The following SKP1 variants were observed in gnomAD, a reference collection of about 807,000 sequenced individuals.
SKP1 encodes S-phase kinase associated protein 1.
Under a neutral mutation model 21.5 loss-of-function variants are expected in SKP1, and 1 was observed. That is an observed-to-expected ratio of 0.05 (90% CI 0.02 to 0.22). The LOEUF is 0.22. SKP1 is among the 10% of genes least tolerant of loss of function. The pLI is 1.00. For missense variants in SKP1, 70 were observed against 192.0 expected (o/e 0.36, Z 3.76); for synonymous variants, 59 against 59.3 (o/e 0.99, Z 0.03).
chr5:134,158,069 A>G, intron 5 of SKP1: 1 of 1,440,404 alleles, frequency 6.9e-7, no homozygotes, highest in East Asian at 3.0e-5. Context: ...CAACAAAATC[A>G]TTCTGATCTA....
rs1761161240 is a variant in SKP1 at position 134,158,557 on chromosome 5, A to G, written c.354T>C (p.Val118=). Residue 118 remains valine, a synonymous_variant, in exon 5 of 6, where the codon GTT becomes GTC. Coordinates refer to ENST00000353411, the MANE Select transcript of SKP1 (RefSeq NM_170679.3). Reference sequence around the variant, plus strand: ...TCATATTGGCAACAGTCTTGCATGTAACATCAAGCAAACCTTTGATGTCTA... The same window carrying G: ...TCATATTGGCAACAGTCTTGCATGTGACATCAAGCAAACCTTTGATGTCTA... ...NYLDIKGLLD[V]TCKTVANMIK... The G allele has an allele frequency of 6.2e-7, 1 of 1,613,418 alleles. No homozygotes were observed. Among genetic ancestry groups the G allele is most frequent in the African/African-American group, 1.3e-5 (1 of 75,048 alleles).
intron 3 of SKP1, 83 bp from the exon 4 acceptor site, chr5:134,161,213 G>A: frequency 1.6e-6 from 2 of 1,229,862 alleles, no homozygotes; most frequent in South Asian, 1.7e-5. Flanking sequence ...TCCCTATATT[G>A]GAATAATAAC....
intron 2 of SKP1, among the ~76,000 whole-genome samples, chr5:134,168,894 G>A (rs1761385905): frequency 6.6e-6 from 1 of 152,062 alleles, no homozygotes; most frequent in South Asian, 2.1e-4. Flanking sequence ...GCAGTTGTAT[G>A]TTCAAGTCCA....
At chr5:134,168,652 G>A (rs145573111) in intron 2 of SKP1, among the ~76,000 whole-genome samples, 3 of 152,238 alleles carry the variant, frequency 2.0e-5, no homozygotes, top group African/African-American at 7.2e-5. Flanking sequence ...TGTAGCTAAG[G>A]AGGTGGTAAG....
chr5:134,165,070 A>AG (rs1761301915), intron 3 of SKP1, among the ~76,000 whole-genome samples: 1 of 111,030 alleles, frequency 9.0e-6, no homozygotes, highest in African/African-American at 3.2e-5. Flanking sequence ...TTTTTTTTTG[A>AG]GGGGGGAGGG....
intron 4 of SKP1, 103 bp downstream of exon 4, chr5:134,160,884 T>G: frequency 1.4e-6 from 1 of 731,726 alleles, no homozygotes; most frequent in Non-Finnish European, 2.2e-6. Flanking sequence ...CATTTGAATT[T>G]AGAGAGTATT....
At position 134,149,106 on chromosome 5, in the gene SKP1, T is replaced by G. The variant is rs1760994749; in HGVS notation, c.*8627A>C. 6.6e-6 allele frequency: 1 copy of G among 152,248 alleles called. No individual in the cohort carries two copies. The highest frequency in any genetic ancestry group is 2.1e-4 in the South Asian group (1 of 4,824). 9.4% of individuals were successfully genotyped at this position (152,248 alleles called of 1,614,324 possible). On this transcript the variant is annotated 3_prime_UTR_variant, in exon 6 of 6. Coordinates refer to ENST00000353411, the MANE Select transcript of SKP1 (RefSeq NM_170679.3). ...TTAGGGGGTACAAGTGCAGCTGTGT[T>G]ACATGAACATACTGGGTAGCGGTGA... is the stretch of plus-strand genomic sequence containing the variant.
chr5:134,149,027 G>T lies in SKP1; in HGVS notation c.*8706C>A, dbSNP rs2149370724. 1 of 152,230 alleles carries T rather than the reference G, an allele frequency of 6.6e-6. No homozygotes were observed. The highest frequency in any genetic ancestry group is 2.1e-4 in the South Asian group (1 of 4,814). 9.4% of individuals were successfully genotyped at this position (152,230 alleles called of 1,614,324 possible). The stretch of plus-strand genomic sequence containing the variant: ...GGGTACAAATGCAGCTGTGTTACAT[G>T]AATATATTGTGTAGCGGTGAGGTCC... On this transcript the variant is annotated 3_prime_UTR_variant, in exon 6 of 6. Coordinates refer to ENST00000353411, the MANE Select transcript of SKP1 (RefSeq NM_170679.3).
At position 134,151,913 on chromosome 5, in the gene SKP1, T is replaced by TGA; in HGVS notation, c.*5818_*5819dup. ...GACAACACTTTTCGGCCACCACTAA[T>TGA]GATCATCTCCACTGATGCCTCAGCA... is the stretch of plus-strand genomic sequence containing the variant. On this transcript the variant is annotated 3_prime_UTR_variant, in exon 6 of 6. Transcript: ENST00000353411. 1 of 315,626 alleles carries TGA rather than the reference T, an allele frequency of 3.2e-6. No individual in the cohort carries two copies. Among genetic ancestry groups the TGA allele is most frequent in the Non-Finnish European group, 6.5e-6 (1 of 154,502 alleles). The allele number at this position is 315,626 out of a possible 1,614,324, so 19.6% of individuals were successfully genotyped here.
At position 134,149,541 on chromosome 5, in the gene SKP1, A is replaced by G. The variant is rs958260217; in HGVS notation, c.*8192T>C. Reference sequence around the variant, plus strand: ...TTTGGATTTTGTGTTTAAAGTATAAAGTCATTTTCCAGAACAGCGTCTATT... The same window carrying G: ...TTTGGATTTTGTGTTTAAAGTATAAGGTCATTTTCCAGAACAGCGTCTATT... On this transcript the variant is annotated 3_prime_UTR_variant, in exon 6 of 6. Coordinates refer to ENST00000353411, the MANE Select transcript of SKP1 (RefSeq NM_170679.3). 2.6e-5 allele frequency: 4 copies of G among 152,254 alleles called. No individual in the cohort carries two copies. Among genetic ancestry groups the G allele is most frequent in the African/African-American group, 9.6e-5 (4 of 41,470 alleles). 9.4% of individuals were successfully genotyped at this position (152,254 alleles called of 1,614,324 possible).
chr5:134,159,616 C>G (rs1480228766), intron 4 of SKP1, among the ~76,000 whole-genome samples: 1 of 151,038 alleles, frequency 6.6e-6, no homozygotes, highest in African/African-American at 2.4e-5. Flanking sequence ...GGTGCGATAT[C>G]GGCTCACTGC....
In SKP1 at chr5:134,150,515, T is replaced by C. The variant is rs1362890353; in HGVS notation, c.*7218A>G. The C allele has an allele frequency of 3.3e-5, 5 of 152,240 alleles. No individual in the cohort carries two copies. The highest frequency in any genetic ancestry group is 1.2e-4 in the African/African-American group (5 of 41,472). 9.4% of individuals were successfully genotyped at this position (152,240 alleles called of 1,614,324 possible). A position where few individuals can be genotyped will look rare whatever the true frequency, so the allele number is the denominator to read the frequency against. Reference sequence around the variant, plus strand: ...TGTTAAACTACCTCTTAGGCCTATATGTCAAAGTAGAATTTAAGACCCAAA... The same window carrying C: ...TGTTAAACTACCTCTTAGGCCTATACGTCAAAGTAGAATTTAAGACCCAAA... On this transcript the variant is annotated 3_prime_UTR_variant, in exon 6 of 6. Transcript: ENST00000353411.
intron 3 of SKP1, among the ~76,000 whole-genome samples, chr5:134,165,643 T>C (rs960346632): frequency 1.3e-5 from 2 of 148,234 alleles, no homozygotes; most frequent in Admixed American, 6.7e-5. Flanking sequence ...TCCCAGCACT[T>C]TGGGAGGCCA....
chr5:134,165,125 G>T (rs1262576228), intron 3 of SKP1, among the ~76,000 whole-genome samples: 1 of 151,870 alleles, frequency 6.6e-6, no homozygotes, highest in Admixed American at 6.6e-5. Context: ...CAGAGTTTCA[G>T]TGTGGGATGA....
chr5:134,167,149 T>TA lies in SKP1; in HGVS notation c.171+20dup, dbSNP rs768560552. On this transcript the variant is annotated intron_variant, in intron 3 of 5. Transcript: ENST00000353411. Reference sequence around the variant, plus strand: ...TGTTATATATTAAGCAGAATAAACTTAAACTCTTTAAAGACCTTACCTTTT... The same window carrying TA: ...TGTTATATATTAAGCAGAATAAACTTAAAACTCTTTAAAGACCTTACCTTTT... 3.4e-4 allele frequency: 438 copies of TA among 1,291,468 alleles called. 2 individuals carry two copies. The Admixed American group carries it at 6.3e-3, about 19-fold the overall frequency. 80.0% of individuals were successfully genotyped at this position (1,291,468 alleles called of 1,614,324 possible).
chr5:134,158,288 A>G (rs998137036), intron 5 of SKP1, 167 bp downstream of exon 5: 1 of 1,503,384 alleles, frequency 6.7e-7, no homozygotes, highest in Non-Finnish European at 8.8e-7. Context: ...CTAAGTGTTC[A>G]GATTCATAAA....
rs1761118592 is a variant in SKP1, at chr5:134,156,247, G to C, written c.*1486C>G. On this transcript the variant is annotated 3_prime_UTR_variant, in exon 6 of 6. Coordinates refer to ENST00000353411, the MANE Select transcript of SKP1 (RefSeq NM_170679.3). ...GAAAACAAGCTTATCTCCTGAGAGA[G>C]AGAGAGAGAGAGAGAGAGAATTTTA... 3 of 152,064 alleles carry C rather than the reference G, an allele frequency of 2.0e-5. No homozygotes were observed. The South Asian group carries it at 6.2e-4, about 32-fold the overall frequency. 9.4% of individuals were successfully genotyped at this position (152,064 alleles called of 1,614,324 possible). A position where few individuals can be genotyped will look rare whatever the true frequency, so the allele number is the denominator to read the frequency against.
chr5:134,158,325 A>G, intron 5 of SKP1, 130 bp downstream of exon 5: 1 of 1,565,670 alleles, frequency 6.4e-7, no homozygotes, highest in Non-Finnish European at 8.6e-7. Context: ...TATGTTTAAG[A>G]CACATTAAGT....
chr5:134,171,158 CAGAAAACAGAAGTCACCCACTT>C (rs1423372367), intron 2 of SKP1: 2 of 376,008 alleles, frequency 5.3e-6, no homozygotes, highest in African/African-American at 4.3e-5. Context: ...AAGCTTTTAT[CAGAAAACAGAAGTCACCCACTT>C]AGAAAACAAA....
Sources: gnomAD v4.1 joint callset for allele counts (sites outside exome capture counted in the v4.1 genomes callset) on GRCh38, gnomAD v4.1.1 for gene constraint, MANE v1.5 for transcripts, NCBI Gene and HGNC (gene_info 2026-07-23, HGNC 2026-07-21) for gene names.